Variants in HDGFL3 observed in about 807,000 individuals in gnomAD.
HDGFL3 encodes HDGF like 3.
A neutral mutation model predicts 27.6 loss-of-function variants in HDGFL3; 6 were observed. The ratio of observed to expected loss-of-function variants is 0.22; its 90% CI spans 0.12 to 0.43. The LOEUF (loss-of-function observed/expected upper bound fraction) is 0.43. Ranked by LOEUF, HDGFL3 falls within the 20% of genes least tolerant of loss-of-function variation. The probability of loss-of-function intolerance (pLI) is 1.00; values close to 1 mark genes in which losing one functional copy is unlikely to be tolerated. For synonymous variants in HDGFL3, 88 were observed against 88.9 expected, an observed-to-expected ratio of 0.99 and a Z score of 0.05; for missense variants, 207 against 250.1, an observed-to-expected ratio of 0.83 and a Z score of 1.16.
At chr15:83,164,268 C>T (rs572995259) in intron 1 of HDGFL3, among the ~76,000 whole-genome samples, 193 bp from the exon 2 acceptor site, 175 of 146,446 alleles carry the variant, frequency 1.2e-3, no homozygotes, top group Non-Finnish European at 2.3e-3. Flanking sequence ...TGGATTACAA[C>T]CATTATAATA....
chr15:83,171,872 T>C (rs951592963), intron 1 of HDGFL3, among the ~76,000 whole-genome samples: 1 of 152,156 alleles, frequency 6.6e-6, no homozygotes, highest in African/African-American at 2.4e-5. Context: ...TTCCTGAATC[T>C]AAAATAAAAG....
At chr15:83,194,250 T>G (rs190786139) in intron 1 of HDGFL3, among the ~76,000 whole-genome samples, 1 of 152,098 alleles carries the variant, frequency 6.6e-6, no homozygotes, top group African/African-American at 2.4e-5. Flanking sequence ...GGAAGAAAAT[T>G]TGGACATACA....
chr15:83,120,896 T>C (rs1426098058), intron 3 of HDGFL3, among the ~76,000 whole-genome samples: 1 of 151,012 alleles, frequency 6.6e-6, no homozygotes, highest in Non-Finnish European at 1.5e-5. Context: ...CTCCTGCTTA[T>C]AATCCCAGTC....
rs1009231814 is a variant in HDGFL3 at position 83,128,467 on chromosome 15, T to A, written c.*10803A>T. ...CTAACATTTATTGCTCTTTGCTGGT[T>A]GTTTTTCCTTTGCAGACCTCTAAAT... On this transcript the variant is annotated 3_prime_UTR_variant, in exon 6 of 6. Coordinates refer to ENST00000299633, the MANE Select transcript of HDGFL3 (RefSeq NM_016073.4). 6.6e-6 allele frequency: 1 copy of A among 152,224 alleles called. No homozygotes were observed. The highest frequency in any genetic ancestry group is 1.5e-5 in the Non-Finnish European group (1 of 68,048). 9.4% of individuals were successfully genotyped at this position (152,224 alleles called of 1,614,324 possible).
At chr15:83,116,066 A>G (rs1048529350) in intron 3 of HDGFL3, 22 of 738,326 alleles carry the variant, frequency 3.0e-5, no homozygotes, top group South Asian at 1.7e-4. Context: ...TTCATTTCCT[A>G]TAATAGCCTT....
intron 4 of HDGFL3, among the ~76,000 whole-genome samples, chr15:83,154,001 C>T (rs12593638): frequency 0.25 from 38,217 of 151,672 alleles, 5,164 homozygotes; most frequent in African/African-American, 0.34. Context: ...AAAGGAAGAC[C>T]ATTCAACTCT....
chr15:83,119,565 A>G, intron 3 of HDGFL3: 1 of 1,613,098 alleles, frequency 6.2e-7, no homozygotes, highest in Non-Finnish European at 8.5e-7. Flanking sequence ...CTTCTTTTTA[A>G]TGCTTTCTTT....
intron 5 of HDGFL3, among the ~76,000 whole-genome samples, chr15:83,149,577 C>T (rs948449854): frequency 6.6e-6 from 1 of 152,094 alleles, no homozygotes; most frequent in East Asian, 1.9e-4. Flanking sequence ...GAGGTGAAAA[C>T]GAAGACTAAA....
intron 5 of HDGFL3, among the ~76,000 whole-genome samples, chr15:83,142,657 T>C (rs1247773220): frequency 6.6e-6 from 1 of 151,988 alleles, no homozygotes; most frequent in East Asian, 1.9e-4. Flanking sequence ...CTCCCTGAAG[T>C]TTAAAAAAAA....
At chr15:83,201,055 C>T (rs1294351338) in intron 1 of HDGFL3, among the ~76,000 whole-genome samples, 4 of 151,916 alleles carry the variant, frequency 2.6e-5, no homozygotes, top group Non-Finnish European at 5.9e-5. Context: ...TCAACCCATT[C>T]CCCCTTTTAC....
intron 1 of HDGFL3, among the ~76,000 whole-genome samples, chr15:83,205,588 T>C (rs2037706750): frequency 6.6e-6 from 1 of 152,190 alleles, no homozygotes; most frequent in Non-Finnish European, 1.5e-5. Context: ...AAATTTTAAG[T>C]CTATTTTCTT....
intron 1 of HDGFL3, among the ~76,000 whole-genome samples, chr15:83,188,243 C>T (rs1024722036): frequency 6.6e-6 from 1 of 152,034 alleles, no homozygotes; most frequent in Non-Finnish European, 1.5e-5. Flanking sequence ...CATTTCCCTA[C>T]AGGGTTATTT....
intron 1 of HDGFL3, among the ~76,000 whole-genome samples, chr15:83,171,617 T>C (rs1456131080): frequency 6.6e-6 from 1 of 152,220 alleles, no homozygotes; most frequent in Non-Finnish European, 1.5e-5. Flanking sequence ...GAGGCCATTA[T>C]CTTAAGCAAA....
intron 1 of HDGFL3, among the ~76,000 whole-genome samples, chr15:83,205,921 A>G (rs1318947083): frequency 6.6e-6 from 1 of 152,238 alleles, no homozygotes; most frequent in African/African-American, 2.4e-5. Flanking sequence ...AGCTATTTTC[A>G]GTCTACTGGA....
chr15:83,190,624 T>C (rs568853527), intron 1 of HDGFL3, among the ~76,000 whole-genome samples: 3 of 152,216 alleles, frequency 2.0e-5, no homozygotes, highest in Non-Finnish European at 2.9e-5. Context: ...CATTTTCCCA[T>C]TGAGCTTTTG....
At chr15:83,157,114 C>T (rs568363788) in intron 4 of HDGFL3, among the ~76,000 whole-genome samples, 10 of 152,232 alleles carry the variant, frequency 6.6e-5, no homozygotes, top group East Asian at 5.8e-4. Flanking sequence ...CTTTAGAGCT[C>T]GTCTGGAGGT....
intron 5 of HDGFL3, among the ~76,000 whole-genome samples, chr15:83,140,934 T>C (rs2036757118): frequency 1.3e-5 from 2 of 152,182 alleles, no homozygotes; most frequent in South Asian, 4.1e-4. Flanking sequence ...CAGAGTAGTA[T>C]TAATACCCCA....
rs2151384920 is a variant in HDGFL3, at chr15:83,133,106, CCT to C, written c.*6162_*6163del. On this transcript the variant is annotated 3_prime_UTR_variant, in exon 6 of 6. Transcript: ENST00000299633. ...AACAACCTATGAGGTGGGTTCCACA[CCT>C]CACCCGAGGCCATACGGCTGGTTTG... 1 of 152,374 alleles carries C rather than the reference CCT, an allele frequency of 6.6e-6. No individual in the cohort carries two copies. The highest frequency in any genetic ancestry group is 1.5e-5 in the Non-Finnish European group (1 of 68,052). The allele number at this position is 152,374 out of a possible 1,614,324, so 9.4% of individuals were successfully genotyped here.
intron 4 of HDGFL3, among the ~76,000 whole-genome samples, chr15:83,151,642 T>G (rs2036965297): frequency 6.6e-6 from 1 of 152,188 alleles, no homozygotes; most frequent in Admixed American, 6.5e-5. Flanking sequence ...AAATGAAGAT[T>G]AATGTACCTA....
Sources: gnomAD v4.1 joint callset for allele counts (sites outside exome capture counted in the v4.1 genomes callset) on GRCh38, gnomAD v4.1.1 for gene constraint, MANE v1.5 for transcripts, NCBI Gene and HGNC (gene_info 2026-07-23, HGNC 2026-07-21) for gene names.